Variants in QKI observed in about 807,000 individuals in gnomAD.
QKI encodes the protein KH domain-containing RNA-binding protein QKI.
Under a neutral mutation model 39.0 loss-of-function variants are expected in QKI, and 10 were observed. That is an observed-to-expected ratio of 0.26 (90% CI 0.16 to 0.43). QKI has a LOEUF of 0.43. QKI is among the 20% of genes least tolerant of loss of function. QKI has a pLI of 1.00. For missense variants in QKI, 218 were observed against 428.0 expected, an observed-to-expected ratio of 0.51 and a Z score of 4.33; for synonymous variants, 204 against 155.4, an observed-to-expected ratio of 1.31 and a Z score of -2.33.
intron 4 of QKI, among the ~76,000 whole-genome samples, chr6:163,553,929 TG>T (rs1782422509): frequency 2.0e-5 from 3 of 152,132 alleles, no homozygotes; most frequent in African/African-American, 7.2e-5. Flanking sequence ...GCTTTATGTG[TG>T]GAAAGTTGTT....
chr6:163,565,863 G>C, intron 6 of QKI: 4 of 1,578,712 alleles, frequency 2.5e-6, no homozygotes, highest in Non-Finnish European at 3.5e-6. Flanking sequence ...GCAGACATGT[G>C]TGTTGGTAGT....
At chr6:163,421,750 CTTT>C (rs766565039) in intron 1 of QKI, among the ~76,000 whole-genome samples, 1 of 143,874 alleles carries the variant, frequency 7.0e-6, no homozygotes, top group Admixed American at 7.0e-5. Context: ...TTTCTTTTTT[CTTT>C]TTTTTTTTTC....
At chr6:163,516,921 T>C (rs542582976) in intron 3 of QKI, among the ~76,000 whole-genome samples, 2 of 152,244 alleles carry the variant, frequency 1.3e-5, no homozygotes, top group South Asian at 4.1e-4. Flanking sequence ...TGCCATGAGC[T>C]ATAATTATGG....
intron 4 of QKI, among the ~76,000 whole-genome samples, chr6:163,552,830 C>T (rs546795136): frequency 6.6e-6 from 1 of 152,100 alleles, no homozygotes; most frequent in Non-Finnish European, 1.5e-5. Context: ...CTTTACCTTT[C>T]TATCTCAGTG....
At chr6:163,569,658 G>C in intron 7 of QKI, 5 of 1,000,860 alleles carry the variant, frequency 5.0e-6, no homozygotes, top group Non-Finnish European at 6.0e-6. Flanking sequence ...AATTTTTAAA[G>C]TTTTTTTGTC....
At chr6:163,526,756 G>GT (rs1262055018) in intron 3 of QKI, among the ~76,000 whole-genome samples, 6 of 152,114 alleles carry the variant, frequency 3.9e-5, no homozygotes, top group Non-Finnish European at 8.8e-5. Context: ...GTTCAGAATT[G>GT]TTTCTGCATG....
At chr6:163,506,572 A>G (rs774596838) in intron 3 of QKI, among the ~76,000 whole-genome samples, 14 of 152,166 alleles carry the variant, frequency 9.2e-5, no homozygotes, top group Admixed American at 2.0e-4. Flanking sequence ...GTCTTAGGCA[A>G]TATTTTCAGA....
chr6:163,419,485 T>G (rs1327586716), intron 1 of QKI, among the ~76,000 whole-genome samples: 1 of 152,144 alleles, frequency 6.6e-6, no homozygotes, highest in African/African-American at 2.4e-5. Context: ...GGTGAAATAA[T>G]CTGTTCTTTA....
chr6:163,457,299 CATGGGTTT>C, intron 2 of QKI: 1 of 455,884 alleles, frequency 2.2e-6, no homozygotes, highest in East Asian at 7.0e-5. Context: ...CTTTAAAAGA[CATGGGTTT>C]CATACAGTCT....
At chr6:163,553,020 T>G (rs1309766267) in intron 4 of QKI, among the ~76,000 whole-genome samples, 1 of 151,220 alleles carries the variant, frequency 6.6e-6, no homozygotes, top group African/African-American at 2.4e-5. Flanking sequence ...ACTAAGAGAT[T>G]TTTAGATAGT....
chr6:163,494,038 G>T (rs903010579), intron 3 of QKI, among the ~76,000 whole-genome samples: 1 of 152,008 alleles, frequency 6.6e-6, no homozygotes, highest in South Asian at 2.1e-4. Context: ...GTGAATTTGT[G>T]TATACCTTCA....
intron 1 of QKI, among the ~76,000 whole-genome samples, chr6:163,426,473 G>A (rs1000972007): frequency 1.3e-5 from 2 of 152,084 alleles, no homozygotes; most frequent in Admixed American, 6.6e-5. Context: ...TTAGAGTGGT[G>A]ATAGATGGAT....
chr6:163,505,608 C>G (rs551748659), intron 3 of QKI, among the ~76,000 whole-genome samples: 3 of 152,100 alleles, frequency 2.0e-5, no homozygotes, highest in Admixed American at 6.5e-5. Flanking sequence ...GGCTTGTGGC[C>G]CCTTTGTTTT....
chr6:163,573,029 G>GT lies in QKI; in HGVS notation c.*2322dup, dbSNP rs940080162. 6.6e-6 allele frequency: 1 copy of GT among 152,132 alleles called. No individual in the cohort carries two copies. Among genetic ancestry groups the GT allele is most frequent in the Non-Finnish European group, 1.5e-5 (1 of 68,020 alleles). 9.4% of individuals were successfully genotyped at this position (152,132 alleles called of 1,614,324 possible). Reference sequence around the variant, plus strand: ...AAAAACAATACCAGTATTTGATCCAGTTTCATCTCAACTATGTTATACCTG... The same window carrying GT: ...AAAAACAATACCAGTATTTGATCCAGTTTTCATCTCAACTATGTTATACCTG... On this transcript the variant is annotated 3_prime_UTR_variant, in exon 8 of 8. Coordinates refer to ENST00000361752, the MANE Select transcript of QKI (RefSeq NM_006775.3).
rs1014599129 is a variant in QKI, at chr6:163,415,134, C to T, written c.-60C>T. Reference sequence around the variant, plus strand: ...GCGGCCGGGGCTCGCCCCCGCCCCTCCCTCCTCTCCGGCGGCGGCGGCGGC... The same window carrying T: ...GCGGCCGGGGCTCGCCCCCGCCCCTTCCTCCTCTCCGGCGGCGGCGGCGGC... On this transcript the variant is annotated 5_prime_UTR_variant, in exon 1 of 8. Transcript: ENST00000361752. 15 of 1,320,228 alleles carry T rather than the reference C, an allele frequency of 1.1e-5. No individual in the cohort carries two copies. In the Admixed American group the frequency reaches 2.5e-4, roughly 22 times the overall value. 81.8% of individuals were successfully genotyped at this position (1,320,228 alleles called of 1,614,324 possible).
intron 3 of QKI, among the ~76,000 whole-genome samples, chr6:163,520,809 A>G (rs1191894524): frequency 1.3e-5 from 2 of 152,210 alleles, no homozygotes; most frequent in African/African-American, 2.4e-5. Flanking sequence ...TGCATTAACT[A>G]TCACTTTTTA....
intron 3 of QKI, among the ~76,000 whole-genome samples, chr6:163,500,879 C>T (rs1477283753): frequency 6.6e-6 from 1 of 152,118 alleles, no homozygotes; most frequent in Non-Finnish European, 1.5e-5. Context: ...TTTCAAGCCA[C>T]GCCCACACAC....
rs1374109220 is a variant in QKI, at chr6:163,443,545, C to T, written c.143-11734C>T. On this transcript the variant is annotated intron_variant, in intron 1 of 7. Transcript: ENST00000361752. ...TTGCGCCACTACATTCCAGCCTGGG[C>T]GAGACTCCGTCTCAAAACAATAACA... is the stretch of plus-strand genomic sequence containing the variant. Among the ~76,000 whole-genome samples, 9 of 152,264 alleles carry T rather than the reference C, an allele frequency of 5.9e-5. No individual in the cohort carries two copies. In the South Asian group the frequency reaches 1.4e-3, roughly 25 times the overall value.
intron 6 of QKI, chr6:163,565,705 A>C (rs2128251415): frequency 1.7e-6 from 2 of 1,180,910 alleles, no homozygotes; most frequent in East Asian, 7.5e-5. Context: ...CCTAAGCAGT[A>C]AAACATGATA....
Sources: allele counts gnomAD v4.1 joint callset (sites outside exome capture counted in the v4.1 genomes callset), GRCh38; gene constraint gnomAD v4.1.1; transcripts MANE v1.5; gene names NCBI Gene and HGNC (gene_info 2026-07-23, HGNC 2026-07-21).